The following MXD3 variants were observed in gnomAD, a reference collection of about 807,000 sequenced individuals.
MXD3 encodes Max-associated protein 3.
MXD3 carries 20 observed loss-of-function variants against 27.5 expected under a neutral mutation model. That is an observed-to-expected ratio of 0.73 (90% CI 0.51 to 1.06). MXD3 has a LOEUF of 1.06. Ranked by LOEUF, MXD3 falls within the 50% of genes least tolerant of loss-of-function variation. The pLI is 0.00. For missense variants in MXD3, 298 were observed against 291.3 expected, an observed-to-expected ratio of 1.02 and a Z score of -0.17; for synonymous variants, 150 against 130.7, an observed-to-expected ratio of 1.15 and a Z score of -1.01.
Position 177,310,547 on chromosome 5 carries a change from G to T in MXD3, c.207-7C>A. On this transcript the variant is annotated splice_polypyrimidine_tract_variant and splice_region_variant and intron_variant, in intron 3 of 5. Transcript: ENST00000439742. ...CCGCTTCAACTGGGCCCTCCTGTGG[G>T]GAAGAGGTCTGGAGGGCAGTGCCAG... 1 of 1,611,154 alleles carries T rather than the reference G, an allele frequency of 6.2e-7. No individual in the cohort carries two copies. The highest frequency in any genetic ancestry group is 8.5e-7 in the Non-Finnish European group (1 of 1,178,626).
chr5:177,308,087 TA>T, intron 4 of MXD3, 123 bp from the exon 5 acceptor site: 7 of 934,316 alleles, frequency 7.5e-6, no homozygotes. Context: ...AGGTGGCGAC[TA>T]AATCCAGGCC....
In MXD3 at chr5:177,311,833, C is replaced by A; in HGVS notation, c.-3G>T. 2 of 1,611,158 alleles carry A rather than the reference C, an allele frequency of 1.2e-6. No individual in the cohort carries two copies. The highest frequency in any genetic ancestry group is 1.7e-6 in the Non-Finnish European group (2 of 1,178,670). On this transcript the variant is annotated 5_prime_UTR_variant, in exon 1 of 6. Transcript: ENST00000439742. ...ATGTTGCTGGCCAAGGGTTCCATGTCGGCGACAGCTGGCGGCGGGCCGGCC... is the reference window on the plus strand; with the variant it reads ...ATGTTGCTGGCCAAGGGTTCCATGTAGGCGACAGCTGGCGGCGGGCCGGCC...
rs527414825 is a variant in MXD3, at chr5:177,311,347, A to G, written c.176+32T>C. The G allele has an allele frequency of 3.6e-4, 287 of 794,268 alleles. 1 individual carries two copies. In the African/African-American group the frequency reaches 5.3e-3, roughly 15 times the overall value. 49.2% of individuals were successfully genotyped at this position (794,268 alleles called of 1,614,324 possible). A position where few individuals can be genotyped will look rare whatever the true frequency, so the allele number is the denominator to read the frequency against. On this transcript the variant is annotated intron_variant, in intron 2 of 5. Transcript: ENST00000439742. ...CCGACCAGGGGCGGCGCCCACCCCC[A>G]CCCCCACTCCCGCCGCCCCCGGCCT...
chr5:177,308,820 G>A (rs1029230630), intron 4 of MXD3, among the ~76,000 whole-genome samples: 6 of 152,162 alleles, frequency 3.9e-5, no homozygotes, highest in African/African-American at 1.2e-4. Flanking sequence ...ATCCCTACAA[G>A]AGCGAGAGCG....
Position 177,311,862 on chromosome 5 carries a change from G to A in MXD3, c.-32C>T, listed in dbSNP as rs777042586. On this transcript the variant is annotated 5_prime_UTR_variant, in exon 1 of 6. Coordinates refer to ENST00000439742, the MANE Select transcript of MXD3 (RefSeq NM_031300.4). ...GACAGCTGGCGGCGGGCCGGCCTAG[G>A]GTGCCGGCCGGAGCAAGCGGCTGCA... 6 of 1,601,710 alleles carry A rather than the reference G, an allele frequency of 3.7e-6. No homozygotes were observed. Among genetic ancestry groups the A allele is most frequent in the Non-Finnish European group, 5.1e-6 (6 of 1,175,046 alleles).
rs554976206 is a variant in MXD3, at chr5:177,307,382, C to T, written c.*206G>A. 71 of 1,493,568 alleles carry T rather than the reference C, an allele frequency of 4.8e-5. No individual in the cohort carries two copies. In the African/African-American group the frequency reaches 6.4e-4, roughly 13 times the overall value. The allele number at this position is 1,493,568 out of a possible 1,614,324, so 92.5% of individuals were successfully genotyped here. ...TGCCCTGCAGGGGTCCAGGGAGGTC[C>T]TGATGAGTCCTGCCCCTTCCCTTCC... On this transcript the variant is annotated 3_prime_UTR_variant, in exon 6 of 6. Transcript: ENST00000439742.
At chr5:177,310,938 C>G in intron 2 of MXD3, 1 of 597,916 alleles carries the variant, frequency 1.7e-6, no homozygotes, top group South Asian at 2.0e-5. Context: ...AACAAGGGCG[C>G]CTGCCAGCTG....
At position 177,307,714 on chromosome 5, in the gene MXD3, AG is replaced by A. The variant is rs770425687; in HGVS notation, c.506-12del. The A allele has an allele frequency of 3.7e-6, 6 of 1,613,582 alleles. No individual in the cohort carries two copies. In the African/African-American group the frequency reaches 8.0e-5, roughly 22 times the overall value. On this transcript the variant is annotated splice_polypyrimidine_tract_variant and intron_variant, in intron 5 of 5. Coordinates refer to ENST00000439742, the MANE Select transcript of MXD3 (RefSeq NM_031300.4). ...CCACCTCCAGCTCCTCTGCGCGGGG[AG>A]GGGTCCGGTCAGAAGACCTGGCTCG...
chr5:177,310,373 A>G, intron 4 of MXD3, 53 bp downstream of exon 4: 1 of 1,441,126 alleles, frequency 6.9e-7, no homozygotes, highest in Non-Finnish European at 9.5e-7. Context: ...CCTCCATAGC[A>G]CAGCCCTCCA....
chr5:177,307,621 G>A lies in MXD3; in HGVS notation c.588C>T (p.His196=), dbSNP rs1193967480. Residue 196 remains histidine, a synonymous_variant, in exon 6 of 6, where the codon CAC becomes CAT. Transcript: ENST00000439742. The part of the protein sequence containing the change: ...LLRGFVAGQE[H]SYSHGGGAWL ...AGGCGCCGCCGCCGTGCGAGTAGCT[G>A]TGCTCCTGGCCGGCGACGAAGCCCC... The A allele has an allele frequency of 1.9e-6, 3 of 1,613,120 alleles. No homozygotes were observed. Among genetic ancestry groups the A allele is most frequent in the Non-Finnish European group, 2.5e-6 (3 of 1,179,972 alleles).
upstream of MXD3, chr5:177,312,435 G>T (rs1761061211): frequency 4.1e-6 from 4 of 985,548 alleles, no homozygotes; most frequent in South Asian, 1.9e-4. Context: ...TGATCCACAC[G>T]TTCGGGCGGG....
At chr5:177,308,561 C>T (rs1279684071) in intron 4 of MXD3, among the ~76,000 whole-genome samples, 23 of 151,898 alleles carry the variant, frequency 1.5e-4, no homozygotes, top group Admixed American at 1.5e-3. Flanking sequence ...TTAGTGGAGA[C>T]GGGGTTTCAC....
At chr5:177,309,617 C>T (rs1760984789) in intron 4 of MXD3, among the ~76,000 whole-genome samples, 1 of 152,236 alleles carries the variant, frequency 6.6e-6, no homozygotes, top group Non-Finnish European at 1.5e-5. Context: ...GCCACAGCCC[C>T]CAGTGCCTAG....
chr5:177,306,721 C>G (rs2127299823), downstream of MXD3: 1 of 1,172,818 alleles, frequency 8.5e-7, no homozygotes, highest in South Asian at 1.5e-5. Flanking sequence ...TGCAGTACAC[C>G]AAGCACATGA....
intron 4 of MXD3, among the ~76,000 whole-genome samples, chr5:177,309,758 GC>G (rs139949437): frequency 0.012 from 1,802 of 152,368 alleles, 45 homozygotes; most frequent in African/African-American, 0.039. Context: ...GCCTAGCTGT[GC>G]CTTCATGTAT....
intron 4 of MXD3, among the ~76,000 whole-genome samples, chr5:177,308,646 T>C (rs1347945897): frequency 6.6e-6 from 1 of 152,174 alleles, no homozygotes; most frequent in African/African-American, 2.4e-5. Context: ...GTGCTGAGAT[T>C]ATAGGTGTGA....
downstream of MXD3, chr5:177,307,085 G>A (rs1561593774): frequency 6.8e-7 from 1 of 1,472,430 alleles, no homozygotes; most frequent in East Asian, 2.5e-5. Context: ...CAAGTTGTGA[G>A]AATTAAGTGC....
At chr5:177,312,225 C>T (rs1761055798), upstream of MXD3, 2 of 988,800 alleles carry the variant, frequency 2.0e-6, no homozygotes, top group Admixed American at 6.1e-5. Flanking sequence ...CAACATAGCA[C>T]GGCGCTCTGG....
intron 2 of MXD3, 187 bp from the exon 3 acceptor site, chr5:177,310,884 C>G: frequency 1.5e-6 from 1 of 668,390 alleles, no homozygotes; most frequent in Admixed American, 2.7e-5. Context: ...ACACACGGAG[C>G]CAAATGCTTA....
Sources: gnomAD v4.1 joint callset for allele counts (sites outside exome capture counted in the v4.1 genomes callset) on GRCh38, gnomAD v4.1.1 for gene constraint, MANE v1.5 for transcripts, NCBI Gene and HGNC (gene_info 2026-07-23, HGNC 2026-07-21) for gene names.